TICAM1: variants seen among roughly 807,000 people sequenced by gnomAD.
The protein encoded by TICAM1 is TIR domain containing adaptor molecule 1, also known as TIR domain-containing adapter molecule 1.
For missense variants in TICAM1, 895 were observed against 938.2 expected (o/e 0.95, Z 0.60); for synonymous variants, 439 against 415.4 (o/e 1.06, Z -0.69).
At position 4,817,010 on chromosome 19, in the gene TICAM1, G is replaced by A. The variant is rs777151236; in HGVS notation, c.1368C>T (p.Leu456=). The change falls in exon 2 of 2, where the codon CTC becomes CTT. Residue 456 remains leucine (L), a synonymous_variant. Coordinates refer to ENST00000248244, the MANE Select transcript of TICAM1 (RefSeq NM_182919.4). This position sits in a 1 kb window ranked among gnomAD's most constrained non-coding sequence, Gnocchi z 4.7. Reference sequence around the variant, plus strand: ...TCAGGCGACAGTCGAAGTTGGAGGTGAGAAGTAGGATGATGAAAGCTGAGT... The same window carrying A: ...TCAGGCGACAGTCGAAGTTGGAGGTAAGAAGTAGGATGATGAAAGCTGAGT... ...IDHSAFIILL[L]TSNFDCRLSL... is the part of the protein sequence containing the mutation. The A allele has an allele frequency of 6.2e-7, 1 of 1,614,042 alleles. No individual in the cohort carries two copies. Among genetic ancestry groups the A allele is most frequent in the Non-Finnish European group, 8.5e-7 (1 of 1,180,040 alleles).
In TICAM1 at chr19:4,828,308, C is replaced by T. The variant is rs188259402; in HGVS notation, c.-140+3306G>A. Among the ~76,000 whole-genome samples, 37 of 151,952 alleles carry T rather than the reference C, an allele frequency of 2.4e-4. No individual in the cohort carries two copies. In the Admixed American group the frequency reaches 2.4e-3, roughly 10 times the overall value. ...GGAGTGCAGTGGTGTGATCATAGCT[C>T]ACTGCAGCCTCAACCTCCTGGGATT... On this transcript the variant is annotated intron_variant, in intron 1 of 1. Coordinates refer to ENST00000248244, the MANE Select transcript of TICAM1 (RefSeq NM_182919.4).
chr19:4,828,718 T>G (rs1568367894), intron 1 of TICAM1, among the ~76,000 whole-genome samples: 1 of 148,320 alleles, frequency 6.7e-6, no homozygotes, highest in Admixed American at 6.7e-5. Flanking sequence ...TTTTTTTTTT[T>G]TCTGAGACCG....
intron 1 of TICAM1, among the ~76,000 whole-genome samples, chr19:4,829,248 A>G (rs948292005): frequency 6.6e-6 from 1 of 152,200 alleles, no homozygotes; most frequent in Non-Finnish European, 1.5e-5. Flanking sequence ...AAAACACGAC[A>G]AAGCCAGCCA....
chr19:4,817,883 G>C lies in TICAM1; in HGVS notation c.495C>G (p.Leu165=), dbSNP rs758835511. ...CAGAGGGCAAAGCCGAGGATGGTGG[G>C]AGGCAGCCCAGATTGGACTGGAGCG... The part of the protein sequence containing the change: ...IRTLQSNLGC[L]PPSSALPSGT... The change falls in exon 2 of 2, where the codon CTC becomes CTG. Residue 165 remains leucine (L), a synonymous_variant. Coordinates refer to ENST00000248244, the MANE Select transcript of TICAM1 (RefSeq NM_182919.4). The surrounding 1 kb of genome is among the most constrained non-coding windows in gnomAD (Gnocchi z 4.7). 4.8e-5 allele frequency: 77 copies of C among 1,613,612 alleles called. No homozygotes were observed. The highest frequency in any genetic ancestry group is 6.4e-5 in the Non-Finnish European group (76 of 1,179,958).
chr19:4,818,253 A>G lies in TICAM1; in HGVS notation c.125T>C (p.Leu42Pro). The change falls in exon 2 of 2, where the codon CTC becomes CCC. Residue 42 changes from leucine to proline, a missense_variant. Leu to Pro is a moderately conservative substitution (Grantham distance 98). Coordinates refer to ENST00000248244, the MANE Select transcript of TICAM1 (RefSeq NM_182919.4). The surrounding 1 kb of genome is among the most constrained non-coding windows in gnomAD (Gnocchi z 4.0). ...CTTCAGGAGAACCATGGCATGCAGG[A>G]GGTCCTGCCCCTGGCAGCCTGGGCG... ...TPRPGCQGQD[L>P]LHAMVLLKLG... The G allele has an allele frequency of 6.2e-7, 1 of 1,613,272 alleles. No individual in the cohort carries two copies. Among genetic ancestry groups the G allele is most frequent in the Non-Finnish European group, 8.5e-7 (1 of 1,180,018 alleles).
intron 1 of TICAM1, among the ~76,000 whole-genome samples, chr19:4,827,148 CG>C (rs767460682): frequency 5.4e-5 from 8 of 149,128 alleles, no homozygotes; most frequent in Non-Finnish European, 1.0e-4. Context: ...GTGAGGAGTT[CG>C]AGGCTAGCCT....
At chr19:4,821,833 G>A (rs974935258) in intron 1 of TICAM1, among the ~76,000 whole-genome samples, 42 of 151,622 alleles carry the variant, frequency 2.8e-4, no homozygotes, top group Non-Finnish European at 5.0e-4. Flanking sequence ...TAGTAGAGAC[G>A]GGGTTTCTCC....
rs11466718 is a variant in TICAM1, at chr19:4,818,589, C to T, written c.-139-73G>A. 2.5e-4 allele frequency: 273 copies of T among 1,072,410 alleles called. 2 individuals are homozygous for T. In the African/African-American group the frequency reaches 3.8e-3, roughly 15 times the overall value. The allele number at this position is 1,072,410 out of a possible 1,614,324, so 66.4% of individuals were successfully genotyped here. Reference sequence around the variant, plus strand: ...GCACGGGAAGGCGGCCCACACACCCCCGCCTGCTTTCCCCGCCTGCCACCC... The same window carrying T: ...GCACGGGAAGGCGGCCCACACACCCTCGCCTGCTTTCCCCGCCTGCCACCC... On this transcript the variant is annotated intron_variant, in intron 1 of 1. Coordinates refer to ENST00000248244, the MANE Select transcript of TICAM1 (RefSeq NM_182919.4). The surrounding 1 kb of genome is among the most constrained non-coding windows in gnomAD (Gnocchi z 4.0).
At chr19:4,819,877 A>G (rs2093594382) in intron 1 of TICAM1, among the ~76,000 whole-genome samples, 1 of 151,522 alleles carries the variant, frequency 6.6e-6, no homozygotes, top group Non-Finnish European at 1.5e-5. Context: ...CCCCGTCTCA[A>G]TAAATAAATA....
chr19:4,818,058 T>A lies in TICAM1; in HGVS notation c.320A>T (p.Lys107Met). The change falls in exon 2 of 2, where the codon AAG (lysine) becomes ATG (methionine). Residue 107 changes from lysine (K) to methionine (M), a missense_variant. Transcript: ENST00000248244. This position sits in a 1 kb window ranked among gnomAD's most constrained non-coding sequence, Gnocchi z 4.0. ...GTCCCGCAGCGAGGCGGGGCACAGC[T>A]TCTCCTCAGCCAGCAGGTGGTACAA... ...ARLYHLLAEE[K>M]LCPASLRDVA... is the part of the protein sequence containing the mutation. 6.2e-7 allele frequency: 1 copy of A among 1,608,094 alleles called. No homozygotes were observed. The highest frequency in any genetic ancestry group is 8.5e-7 in the Non-Finnish European group (1 of 1,179,882).
At position 4,817,274 on chromosome 19, in the gene TICAM1, TGAA is replaced by T. The variant is rs765752632; in HGVS notation, c.1101_1103del (p.Ser369del). Reference sequence around the variant, plus strand: ...TCAGGTGAGCTGAACAAGGAGTAGATGAAGGAGGAGGAGGAGGAGGAGGAGGGG... The same window carrying T: ...TCAGGTGAGCTGAACAAGGAGTAGATGGAGGAGGAGGAGGAGGAGGAGGGG... On this transcript the variant is annotated inframe_deletion, in exon 2 of 2. Coordinates refer to ENST00000248244, the MANE Select transcript of TICAM1 (RefSeq NM_182919.4). The surrounding 1 kb of genome is among the most constrained non-coding windows in gnomAD (Gnocchi z 4.7). 20 of 1,575,540 alleles carry T rather than the reference TGAA, an allele frequency of 1.3e-5. No homozygotes were observed. Among genetic ancestry groups the T allele is most frequent in the Non-Finnish European group, 1.6e-5 (18 of 1,159,844 alleles).
intron 1 of TICAM1, among the ~76,000 whole-genome samples, chr19:4,821,373 C>T (rs565880411): frequency 2.6e-5 from 4 of 151,938 alleles, no homozygotes; most frequent in Non-Finnish European, 5.9e-5. Context: ...GACAATATAA[C>T]GGGCATGTGT....
intron 1 of TICAM1, among the ~76,000 whole-genome samples, chr19:4,823,041 C>T (rs898446005): frequency 3.3e-5 from 5 of 152,116 alleles, no homozygotes; most frequent in Non-Finnish European, 7.3e-5. Context: ...TTTATTTGGC[C>T]GGGCCTGACG....
chr19:4,827,963 A>G (rs920889471), intron 1 of TICAM1, among the ~76,000 whole-genome samples: 15 of 151,972 alleles, frequency 9.9e-5, no homozygotes, highest in Non-Finnish European at 2.9e-5. Context: ...AAAAGCAAAC[A>G]TACATTGGCA....
In TICAM1 at chr19:4,816,029, C is replaced by T. The variant is rs908512637; in HGVS notation, c.*210G>A. 16 of 569,658 alleles carry T rather than the reference C, an allele frequency of 2.8e-5. No homozygotes were observed. Among genetic ancestry groups the T allele is most frequent in the Non-Finnish European group, 3.9e-5 (15 of 382,280 alleles). 35.3% of individuals were successfully genotyped at this position (569,658 alleles called of 1,614,324 possible). Reference sequence around the variant, plus strand: ...AATAGAGAGATTGGAATTGTAAACACCGTATCCAGTTCTGACCACCCTGAA... The same window carrying T: ...AATAGAGAGATTGGAATTGTAAACATCGTATCCAGTTCTGACCACCCTGAA... On this transcript the variant is annotated 3_prime_UTR_variant, in exon 2 of 2. Transcript: ENST00000248244. The surrounding 1 kb of genome is among the most constrained non-coding windows in gnomAD (Gnocchi z 4.3).
In TICAM1 at chr19:4,818,137, C is replaced by T; in HGVS notation, c.241G>A (p.Asp81Asn). Reference protein sequence around the residue: ...RLVARQWAGVDSTEDPEEPPD... With the variant: ...RLVARQWAGVNSTEDPEEPPD... Reference sequence around the variant, plus strand: ...GGCTCCTCTGGGTCCTCGGTGCTGTCCACGCCAGCCCACTGGCGGGCCACC... The same window carrying T: ...GGCTCCTCTGGGTCCTCGGTGCTGTTCACGCCAGCCCACTGGCGGGCCACC... The change falls in exon 2 of 2, where the codon GAC (aspartate) becomes AAC (asparagine). Residue 81 changes from aspartate (D) to asparagine (N), a missense_variant. By Grantham distance (23) the Asp-to-Asn change is conservative. Transcript: ENST00000248244. This position sits in a 1 kb window ranked among gnomAD's most constrained non-coding sequence, Gnocchi z 4.0. 2 of 1,609,428 alleles carry T rather than the reference C, an allele frequency of 1.2e-6. No individual in the cohort carries two copies. The highest frequency in any genetic ancestry group is 1.7e-6 in the Non-Finnish European group (2 of 1,179,696).
At position 4,818,023 on chromosome 19, in the gene TICAM1, G is replaced by C. The variant is rs751977492; in HGVS notation, c.355C>G (p.Gln119Glu). 6.2e-7 allele frequency: 1 copy of C among 1,610,758 alleles called. No homozygotes were observed. The highest frequency in any genetic ancestry group is 8.5e-7 in the Non-Finnish European group (1 of 1,179,938). ...CPASLRDVAY[Q>E]EAVRTLSSRD... The stretch of plus-strand genomic sequence containing the variant: ...GAGCTGAGGGTGCGGACGGCTTCCT[G>C]GTAGGCCACGTCCCGCAGCGAGGCG... The change falls in exon 2 of 2, where the codon CAG becomes GAG. Residue 119 changes from glutamine to glutamate, a missense_variant. Transcript: ENST00000248244. The surrounding 1 kb of genome is among the most constrained non-coding windows in gnomAD (Gnocchi z 4.0).
chr19:4,829,805 C>CTTTTTT lies in TICAM1; in HGVS notation c.-140+1803_-140+1808dup, dbSNP rs539314470. On this transcript the variant is annotated intron_variant, in intron 1 of 1. Transcript: ENST00000248244. ...AAATTTTTGATTTTTAATTTCATTT[C>CTTTTTT]TTTTTTTTTTTTTTTTTTTTTTTGA... is the stretch of plus-strand genomic sequence containing the variant. Among the ~76,000 whole-genome samples the CTTTTTT allele has an allele frequency of 1.2e-3, 104 of 87,648 alleles. 1 individual carries two copies. The highest frequency in any genetic ancestry group is 1.4e-3 in the African/African-American group (31 of 22,324). 57.5% of individuals were successfully genotyped at this position (87,648 alleles called of 152,430 possible). A position where few individuals can be genotyped will look rare whatever the true frequency, so the allele number is the denominator to read the frequency against.
Position 4,817,115 on chromosome 19 carries a change from C to T in TICAM1, c.1263G>A (p.Val421=), listed in dbSNP as rs781384413. The T allele has an allele frequency of 5.6e-6, 9 of 1,614,152 alleles. 1 individual carries two copies. In the South Asian group the frequency reaches 9.9e-5, roughly 18 times the overall value. The change falls in exon 2 of 2, where the codon GTG becomes GTA. Residue 421 remains valine (V), a synonymous_variant. Coordinates refer to ENST00000248244, the MANE Select transcript of TICAM1 (RefSeq NM_182919.4). The surrounding 1 kb of genome is among the most constrained non-coding windows in gnomAD (Gnocchi z 4.7). Reference sequence around the variant, plus strand: ...CCTCGCAGAAGGTGGCCCCGTCGGGCACGCCAAGGGCCTCCAGCTTCTCCC... The same window carrying T: ...CCTCGCAGAAGGTGGCCCCGTCGGGTACGCCAAGGGCCTCCAGCTTCTCCC... ...RVREKLEALG[V]PDGATFCEDF...
Sources: gnomAD v4.1 joint callset for allele counts (sites outside exome capture counted in the v4.1 genomes callset) on GRCh38, gnomAD v4.1.1 for gene constraint, Gnocchi (gnomAD v3.1) non-coding constraint, MANE v1.5 for transcripts, NCBI Gene and HGNC (gene_info 2026-07-23, HGNC 2026-07-21) for gene names.